The following RAB28 variants were observed in gnomAD, a reference collection of about 807,000 sequenced individuals.
The protein encoded by RAB28 is RAB28, member RAS oncogene family.
RAB28 carries 24 observed loss-of-function variants against 31.7 expected under a neutral mutation model. The observed-to-expected ratio is 0.76, with a 90% CI of 0.55 to 1.06. RAB28 has a LOEUF of 1.06. RAB28 is among the 50% of genes least tolerant of loss of function. The pLI is 0.00. For missense variants in RAB28, 254 were observed against 258.5 expected (o/e 0.98, Z 0.12); for synonymous variants, 100 against 90.4 (o/e 1.11, Z -0.60).
intron 6 of RAB28, among the ~76,000 whole-genome samples, chr4:13,372,389 C>T (rs573719733): frequency 5.6e-4 from 85 of 152,072 alleles, no homozygotes; most frequent in African/African-American, 1.9e-3. Context: ...TTATATGCTG[C>T]CAGTAACAAA....
chr4:13,376,649 A>G (rs756204055), intron 5 of RAB28, 27 bp from the exon 6 acceptor site: 7 of 1,499,500 alleles, frequency 4.7e-6, no homozygotes, highest in South Asian at 1.3e-5. Flanking sequence ...GGTTTAAATG[A>G]TTTAAAAGAG....
At chr4:13,449,277 A>G (rs767345760) in intron 4 of RAB28, among the ~76,000 whole-genome samples, 3 of 151,970 alleles carry the variant, frequency 2.0e-5, no homozygotes, top group Non-Finnish European at 2.9e-5. Context: ...TTTTACAGAT[A>G]AAGAATTTTT....
intron 6 of RAB28, chr4:13,371,645 G>C: frequency 6.9e-7 from 1 of 1,458,114 alleles, no homozygotes; most frequent in Non-Finnish European, 9.0e-7. Flanking sequence ...CATAACCAAG[G>C]CTCTGCAGAT....
chr4:13,407,690 G>A (rs190953068), intron 4 of RAB28, among the ~76,000 whole-genome samples: 245 of 152,214 alleles, frequency 1.6e-3, no homozygotes, highest in Non-Finnish European at 2.9e-3. Flanking sequence ...CTTAAGCAGT[G>A]GTTTGTAGTT....
intron 4 of RAB28, among the ~76,000 whole-genome samples, chr4:13,402,533 A>G (rs1482978059): frequency 6.6e-6 from 1 of 152,146 alleles, no homozygotes; most frequent in East Asian, 1.9e-4. Flanking sequence ...TTCTCATGTT[A>G]ATATAGTTAC....
intron 4 of RAB28, among the ~76,000 whole-genome samples, chr4:13,433,391 T>A (rs192784821): frequency 1.8e-4 from 27 of 151,906 alleles, no homozygotes; most frequent in Non-Finnish European, 3.4e-4. Context: ...GCAAAAAAAA[T>A]TTTGCACACT....
intron 4 of RAB28, among the ~76,000 whole-genome samples, chr4:13,449,068 A>T (rs1159329259): frequency 2.0e-5 from 3 of 152,024 alleles, no homozygotes; most frequent in Non-Finnish European, 4.4e-5. Flanking sequence ...TTAGCTTAAA[A>T]TGTATAAAGA....
intron 4 of RAB28, among the ~76,000 whole-genome samples, chr4:13,430,118 A>G (rs533443212): frequency 6.6e-6 from 1 of 152,322 alleles, no homozygotes; most frequent in East Asian, 1.9e-4. Flanking sequence ...TGCTAAGAAA[A>G]TAGGATATCT....
At chr4:13,439,549 G>A (rs1714305385) in intron 4 of RAB28, among the ~76,000 whole-genome samples, 1 of 152,130 alleles carries the variant, frequency 6.6e-6, no homozygotes, top group African/African-American at 2.4e-5. Context: ...GTTTCACCAT[G>A]TTGGCCAGAC....
intron 4 of RAB28, among the ~76,000 whole-genome samples, chr4:13,415,246 G>T (rs1025406034): frequency 1.3e-5 from 2 of 152,182 alleles, no homozygotes; most frequent in Admixed American, 6.5e-5. Flanking sequence ...CATGCTGGCA[G>T]CCCTCACAGC....
chr4:13,377,859 AG>A (rs1437246359), intron 5 of RAB28, among the ~76,000 whole-genome samples: 1 of 152,228 alleles, frequency 6.6e-6, no homozygotes, highest in Non-Finnish European at 1.5e-5. Flanking sequence ...ATTTGGTGAC[AG>A]ATGTGGGGTG....
intron 2 of RAB28, among the ~76,000 whole-genome samples, chr4:13,475,335 T>C (rs1716304668): frequency 6.6e-6 from 1 of 151,540 alleles, no homozygotes; most frequent in African/African-American, 2.4e-5. Context: ...ATTCCCCTCA[T>C]ATAATTATGC....
At chr4:13,432,982 TA>T (rs879888079) in intron 4 of RAB28, among the ~76,000 whole-genome samples, 313 of 139,810 alleles carry the variant, frequency 2.2e-3, no homozygotes, top group Middle Eastern at 3.7e-3. Flanking sequence ...AAATTGAATT[TA>T]AAAAAAAAAA....
chr4:13,370,056 G>A, intron 6 of RAB28: 22 of 1,493,484 alleles, frequency 1.5e-5, no homozygotes, highest in Non-Finnish European at 1.7e-5. Context: ...ACTGAATATA[G>A]AAGGAAACAC....
intron 4 of RAB28, among the ~76,000 whole-genome samples, chr4:13,409,632 A>G (rs1577184624): frequency 1.3e-5 from 2 of 152,220 alleles, no homozygotes; most frequent in East Asian, 3.9e-4. Flanking sequence ...CTAGCAAATC[A>G]GTTACAAGGA....
At chr4:13,468,776 GT>G (rs869095747) in intron 3 of RAB28, among the ~76,000 whole-genome samples, 18 of 145,790 alleles carry the variant, frequency 1.2e-4, no homozygotes, top group South Asian at 2.2e-4. Context: ...GCCAAAAGCT[GT>G]TTTTTTTTTA....
chr4:13,446,317 G>A (rs1714692195), intron 4 of RAB28, among the ~76,000 whole-genome samples: 1 of 152,154 alleles, frequency 6.6e-6, no homozygotes, highest in African/African-American at 2.4e-5. Context: ...GTGGGAGTGG[G>A]ATCCACTGAG....
chr4:13,368,798 C>A, intron 6 of RAB28, 148 bp from the exon 7 acceptor site: 1 of 586,350 alleles, frequency 1.7e-6, no homozygotes. Context: ...AAGAATAAGC[C>A]AGACAAACAA....
chr4:13,448,764 G>C (rs1714823668), intron 4 of RAB28, among the ~76,000 whole-genome samples: 3 of 151,990 alleles, frequency 2.0e-5, no homozygotes, highest in African/African-American at 7.2e-5. Context: ...TAAGGAGTGT[G>C]AAGTATCATG....
Sources: gnomAD v4.1 joint callset for allele counts (sites outside exome capture counted in the v4.1 genomes callset) on GRCh38, gnomAD v4.1.1 for gene constraint, MANE v1.5 for transcripts, NCBI Gene and HGNC (gene_info 2026-07-23, HGNC 2026-07-21) for gene names.